Variants in EPHA3 observed in about 807,000 individuals in gnomAD.
EPHA3 encodes ephrin type-A receptor 3.
EPHA3 carries 42 observed loss-of-function variants against 107.1 expected under a neutral mutation model. That is an observed-to-expected ratio of 0.39 (90% CI 0.31 to 0.51). EPHA3 has a LOEUF of 0.51. Ranked by LOEUF, EPHA3 falls within the 20% of genes least tolerant of loss-of-function variation. The pLI is 0.78. For synonymous variants in EPHA3, 461 were observed against 424.8 expected (o/e 1.09, Z -1.05); for missense variants, 1,183 against 1,211.2 (o/e 0.98, Z 0.35).
rs1424691742 is a variant in EPHA3 at position 89,342,852 on chromosome 3, T to TAC, written c.1306+766_1306+767dup. ...TTCAGAGATATTATTGTCTTATTTT[T>TAC]ACACATACACACACACACACACACA... On this transcript the variant is annotated intron_variant, in intron 5 of 16. Coordinates refer to ENST00000336596, the MANE Select transcript of EPHA3 (RefSeq NM_005233.6). Among the ~76,000 whole-genome samples, 149 of 129,874 alleles carry TAC rather than the reference T, an allele frequency of 1.1e-3. 1 individual carries two copies. The highest frequency in any genetic ancestry group is 7.2e-3 in the Middle Eastern group (2 of 278). 85.2% of individuals were successfully genotyped at this position (129,874 alleles called of 152,430 possible). A position where few individuals can be genotyped will look rare whatever the true frequency, so the allele number is the denominator to read the frequency against.
At chr3:89,165,029 T>C (rs1371099137) in intron 2 of EPHA3, among the ~76,000 whole-genome samples, 1 of 152,226 alleles carries the variant, frequency 6.6e-6, no homozygotes, top group African/African-American at 2.4e-5. Flanking sequence ...CTTTTAAAGA[T>C]TGCAGGTCCT....
intron 3 of EPHA3, among the ~76,000 whole-genome samples, chr3:89,313,411 C>T (rs1706812959): frequency 6.6e-6 from 1 of 151,866 alleles, no homozygotes; most frequent in Non-Finnish European, 1.5e-5. Flanking sequence ...TTTCGTTCTT[C>T]TGTTTTTCCT....
At chr3:89,305,694 C>A (rs1484586632) in intron 3 of EPHA3, among the ~76,000 whole-genome samples, 2 of 151,998 alleles carry the variant, frequency 1.3e-5, no homozygotes, top group Non-Finnish European at 2.9e-5. Flanking sequence ...GTGTTGACCC[C>A]ATTAACCCCT....
At chr3:89,165,151 C>T (rs1011201083) in intron 2 of EPHA3, among the ~76,000 whole-genome samples, 12 of 152,246 alleles carry the variant, frequency 7.9e-5, no homozygotes, top group African/African-American at 2.9e-4. Flanking sequence ...ACATTCTAGA[C>T]AATCCCACTG....
Position 89,478,360 on chromosome 3 carries a change from A to G in EPHA3, c.2847-1037A>G, listed in dbSNP as rs1710558278. 2.0e-5 allele frequency among the ~76,000 whole-genome samples: 3 copies of G among 152,226 alleles called. No individual in the cohort carries two copies. The South Asian group carries it at 6.2e-4, about 32-fold the overall frequency. ...AGGCTAAAACAGCAAGAGGTTTATT[A>G]TACATCATAGTGTTGTGGGTTATAA... On this transcript the variant is annotated intron_variant, in intron 16 of 16. Coordinates refer to ENST00000336596, the MANE Select transcript of EPHA3 (RefSeq NM_005233.6).
At chr3:89,400,075 A>T (rs1708927507) in intron 7 of EPHA3, 1 of 1,027,152 alleles carries the variant, frequency 9.7e-7, no homozygotes, top group South Asian at 4.6e-5. Context: ...TTTTCTTCAT[A>T]CTTAAAAAAG....
chr3:89,198,144 T>C (rs1705890855), intron 2 of EPHA3, among the ~76,000 whole-genome samples: 1 of 152,074 alleles, frequency 6.6e-6, no homozygotes, highest in Non-Finnish European at 1.5e-5. Flanking sequence ...AAAGGAATAA[T>C]AAATAGACAA....
intron 3 of EPHA3, among the ~76,000 whole-genome samples, chr3:89,227,197 T>C (rs1334004124): frequency 1.3e-5 from 2 of 152,060 alleles, no homozygotes; most frequent in African/African-American, 2.4e-5. Context: ...TACTTTTTAT[T>C]TTTTCCTCTT....
intron 5 of EPHA3, among the ~76,000 whole-genome samples, chr3:89,395,371 G>A (rs1326727802): frequency 6.6e-6 from 1 of 152,058 alleles, no homozygotes; most frequent in Non-Finnish European, 1.5e-5. Flanking sequence ...GATACCATGG[G>A]ACTCCTTGTG....
Position 89,127,235 on chromosome 3 carries a change from C to G in EPHA3, c.115C>G (p.Gln39Glu), listed in dbSNP as rs760801471. The G allele has an allele frequency of 2.5e-6, 4 of 1,612,150 alleles. No individual in the cohort carries two copies. The Admixed American group carries it at 6.7e-5, about 27-fold the overall frequency. The change falls in exon 2 of 17, where the codon CAA becomes GAA. Residue 39 changes from glutamine (Q) to glutamate (E), a missense_variant. Physicochemically the swap from Gln to Glu is conservative, Grantham distance 29. Coordinates refer to ENST00000336596, the MANE Select transcript of EPHA3 (RefSeq NM_005233.6). ...EVNLLDSKTIQGELGWISYPS... is the reference protein window; with the variant it reads ...EVNLLDSKTIEGELGWISYPS... ...CAATCTACTGGATTCAAAAACAATT[C>G]AAGGGGAGCTGGGCTGGATCTCTTA...
At chr3:89,117,299 G>A (rs568307908) in intron 1 of EPHA3, among the ~76,000 whole-genome samples, 1 of 152,136 alleles carries the variant, frequency 6.6e-6, no homozygotes, top group South Asian at 2.1e-4. Flanking sequence ...AAAGTTGATT[G>A]ATTTCCAATC....
intron 3 of EPHA3, among the ~76,000 whole-genome samples, chr3:89,254,396 G>A (rs1212518827): frequency 1.3e-5 from 2 of 152,106 alleles, no homozygotes; most frequent in Non-Finnish European, 2.9e-5. Context: ...CCATCGAATG[G>A]ATAAATCTGT....
intron 3 of EPHA3, among the ~76,000 whole-genome samples, chr3:89,311,624 T>C (rs751671365): frequency 6.6e-6 from 1 of 152,006 alleles, no homozygotes; most frequent in East Asian, 1.9e-4. Flanking sequence ...ACCCAATGGA[T>C]TTAGAAGATT....
At chr3:89,160,710 G>C (rs1176711105) in intron 2 of EPHA3, among the ~76,000 whole-genome samples, 1 of 151,774 alleles carries the variant, frequency 6.6e-6, no homozygotes, top group Non-Finnish European at 1.5e-5. Context: ...CTTCAATATT[G>C]TCACAAACTT....
intron 15 of EPHA3, among the ~76,000 whole-genome samples, chr3:89,460,292 A>G (rs1455173002): frequency 6.6e-6 from 1 of 151,724 alleles, no homozygotes; most frequent in Non-Finnish European, 1.5e-5. Context: ...TCTTGACACA[A>G]AAAAATTAGA....
At chr3:89,176,367 C>T (rs1434430593) in intron 2 of EPHA3, among the ~76,000 whole-genome samples, 5 of 151,378 alleles carry the variant, frequency 3.3e-5, no homozygotes, top group Admixed American at 3.3e-4. Context: ...TGCCTGTAGC[C>T]CCAGCTACTT....
At chr3:89,365,241 G>A (rs1708165155) in intron 5 of EPHA3, among the ~76,000 whole-genome samples, 1 of 150,590 alleles carries the variant, frequency 6.6e-6, no homozygotes, top group African/African-American at 2.4e-5. Flanking sequence ...ACTGGAAAAA[G>A]GAATAAAGAG....
chr3:89,162,186 T>C (rs1377153178), intron 2 of EPHA3, among the ~76,000 whole-genome samples: 2 of 151,896 alleles, frequency 1.3e-5, no homozygotes, highest in Non-Finnish European at 2.9e-5. Context: ...AAATTAAAAT[T>C]GGGGATAACA....
intron 3 of EPHA3, among the ~76,000 whole-genome samples, chr3:89,242,504 C>A (rs1704924023): frequency 6.6e-6 from 1 of 152,144 alleles, no homozygotes; most frequent in Non-Finnish European, 1.5e-5. Context: ...GTGGCATGAT[C>A]TCGGCTCACT....
Sources: gnomAD v4.1 joint callset for allele counts (sites outside exome capture counted in the v4.1 genomes callset) on GRCh38, gnomAD v4.1.1 for gene constraint, MANE v1.5 for transcripts, NCBI Gene and HGNC (gene_info 2026-07-23, HGNC 2026-07-21) for gene names.